CTNNBL1: variants seen among roughly 807,000 people sequenced by gnomAD.
The protein encoded by CTNNBL1 is beta-catenin-like protein 1.
CTNNBL1 carries 31 observed loss-of-function variants against 72.7 expected under a neutral mutation model. The ratio of observed to expected loss-of-function variants is 0.43; its 90% CI spans 0.32 to 0.58. The LOEUF (loss-of-function observed/expected upper bound fraction) is 0.58, where lower values mean the gene tolerates loss of function less well. Ranked by LOEUF, CTNNBL1 falls within the 20% of genes least tolerant of loss-of-function variation. The pLI is 0.08. For missense variants in CTNNBL1, 534 were observed against 725.1 expected, an observed-to-expected ratio of 0.74 and a Z score of 3.03; for synonymous variants, 240 against 267.3, an observed-to-expected ratio of 0.90 and a Z score of 1.00.
chr20:37,721,722 T>C (rs922333799), intron 1 of CTNNBL1, among the ~76,000 whole-genome samples: 4 of 152,246 alleles, frequency 2.6e-5, no homozygotes, highest in African/African-American at 4.8e-5. Flanking sequence ...TTGGTGATTA[T>C]TATTCTCATG....
chr20:37,808,614 A>T (rs777843225), intron 11 of CTNNBL1, among the ~76,000 whole-genome samples: 4 of 152,130 alleles, frequency 2.6e-5, no homozygotes, highest in Non-Finnish European at 4.4e-5. Context: ...CCTGGCCCTC[A>T]GGCATTCGTT....
intron 5 of CTNNBL1, among the ~76,000 whole-genome samples, chr20:37,764,567 T>C (rs2073447846): frequency 6.6e-6 from 1 of 152,242 alleles, no homozygotes; most frequent in African/African-American, 2.4e-5. Flanking sequence ...TTTCAACATG[T>C]GTGACTCCAT....
intron 15 of CTNNBL1, among the ~76,000 whole-genome samples, chr20:37,868,512 C>T (rs954746537): frequency 1.9e-4 from 29 of 152,300 alleles, no homozygotes; most frequent in African/African-American, 5.5e-4. Flanking sequence ...AGTTCCACTC[C>T]GCTCTGTATG....
chr20:37,779,090 A>C, intron 9 of CTNNBL1, 97 bp from the exon 10 acceptor site: 5 of 1,209,024 alleles, frequency 4.1e-6, no homozygotes, highest in Non-Finnish European at 6.0e-6. Context: ...CCTCAGTCGT[A>C]GAGTTATGAC....
intron 10 of CTNNBL1, among the ~76,000 whole-genome samples, chr20:37,789,124 A>G (rs1410015254): frequency 1.3e-5 from 2 of 152,186 alleles, no homozygotes; most frequent in African/African-American, 4.8e-5. Context: ...AAGAAAAGGA[A>G]TTTCTCATTT....
rs113418386 is a variant in CTNNBL1 at position 37,827,858 on chromosome 20, A to G, written c.1214-12244A>G. 5.8e-3 allele frequency among the ~76,000 whole-genome samples: 885 copies of G among 152,206 alleles called. 9 individuals are homozygous for G. The highest frequency in any genetic ancestry group is 0.02 in the African/African-American group (849 of 41,518). ...GGAGAAAGTCCAGACTCTGTAGTTG[A>G]GTGTGCAGGCCTCTTGCTTCTCTTG... On this transcript the variant is annotated intron_variant, in intron 11 of 15. Coordinates refer to ENST00000361383, the MANE Select transcript of CTNNBL1 (RefSeq NM_030877.5).
At chr20:37,871,892 G>C (rs180814933) in intron 15 of CTNNBL1, 33 bp from the exon 16 acceptor site, 1 of 1,559,944 alleles carries the variant, frequency 6.4e-7, no homozygotes, top group Non-Finnish European at 8.8e-7. Context: ...CCATGCCTGG[G>C]ATCCACTCCT....
At chr20:37,834,107 G>A (rs1166769479) in intron 11 of CTNNBL1, among the ~76,000 whole-genome samples, 3 of 152,114 alleles carry the variant, frequency 2.0e-5, no homozygotes, top group Non-Finnish European at 4.4e-5. Flanking sequence ...CCAGACTGTG[G>A]TGAGCCGTGG....
intron 13 of CTNNBL1, among the ~76,000 whole-genome samples, chr20:37,858,586 C>T (rs1317667226): frequency 1.7e-5 from 2 of 117,524 alleles, no homozygotes; most frequent in East Asian, 2.9e-4. Context: ...GGATGAGGGG[C>T]GAGAGGATTG....
chr20:37,835,121 G>A (rs2072242626), intron 11 of CTNNBL1, among the ~76,000 whole-genome samples: 1 of 152,226 alleles, frequency 6.6e-6, no homozygotes, highest in African/African-American at 2.4e-5. Flanking sequence ...AGCAGTACAA[G>A]TGGCCAGTAA....
chr20:37,733,018 A>C lies in CTNNBL1; in HGVS notation c.170A>C (p.Lys57Thr). The change falls in exon 2 of 16, where the codon AAA becomes ACA. Residue 57 changes from lysine (K) to threonine (T), a missense_variant. Lys to Thr is a moderately conservative substitution (Grantham distance 78, BLOSUM62 -1). Transcript: ENST00000361383. The part of the protein sequence containing the change: ...TVVEEADDDK[K>T]RLLQIIDRDG... ...GTGGAGGAAGCGGATGATGACAAAA[A>C]AAGGCTGCTGCAGATTATTGACAGA... is the stretch of plus-strand genomic sequence containing the variant. 1 of 1,613,954 alleles carries C rather than the reference A, an allele frequency of 6.2e-7. No individual in the cohort carries two copies. The highest frequency in any genetic ancestry group is 8.5e-7 in the Non-Finnish European group (1 of 1,179,998).
In CTNNBL1 at chr20:37,779,333, C is replaced by T. The variant is rs1159942802; in HGVS notation, c.1029C>T (p.Leu343=). 2 of 1,613,240 alleles carry T rather than the reference C, an allele frequency of 1.2e-6. No individual in the cohort carries two copies. Among genetic ancestry groups the T allele is most frequent in the African/African-American group, 1.3e-5 (1 of 74,874 alleles). ...GTCTTCAGCTGATGAATCTCATGCT[C>T]AGGTATGTTTCGAATGCCCTAGTTC... ...GEGLQLMNLM[L]REKKISRSSA... is the part of the protein sequence containing the mutation. Residue 343 remains leucine, a splice_region_variant and synonymous_variant, in exon 10 of 16, where the codon CTC becomes CTT. Transcript: ENST00000361383.
At chr20:37,853,557 G>A (rs1328688915) in intron 13 of CTNNBL1, among the ~76,000 whole-genome samples, 2 of 152,162 alleles carry the variant, frequency 1.3e-5, no homozygotes, top group South Asian at 2.1e-4. Flanking sequence ...GAATCATCTC[G>A]AGTCCTTATC....
chr20:37,694,577 C>A (rs367902327), intron 1 of CTNNBL1, among the ~76,000 whole-genome samples: 3 of 152,268 alleles, frequency 2.0e-5, no homozygotes, highest in African/African-American at 4.8e-5. Flanking sequence ...TCATTCCCCC[C>A]CTCTTTGAAC....
Position 37,842,036 on chromosome 20 carries a change from A to G in CTNNBL1, c.1312-303A>G, listed in dbSNP as rs569226209. 3.3e-5 allele frequency among the ~76,000 whole-genome samples: 5 copies of G among 152,270 alleles called. No individual in the cohort carries two copies. The South Asian group carries it at 1.0e-3, about 32-fold the overall frequency. ...CAAGAAGGGACTTGAATTTTTATCTATTTATTTGTTTTTAACAACGTGCAT... is the reference window on the plus strand; with the variant it reads ...CAAGAAGGGACTTGAATTTTTATCTGTTTATTTGTTTTTAACAACGTGCAT... On this transcript the variant is annotated intron_variant, in intron 12 of 15. Coordinates refer to ENST00000361383, the MANE Select transcript of CTNNBL1 (RefSeq NM_030877.5).
chr20:37,695,641 A>G (rs1206614861), intron 1 of CTNNBL1, among the ~76,000 whole-genome samples: 1 of 152,252 alleles, frequency 6.6e-6, no homozygotes, highest in African/African-American at 2.4e-5. Context: ...ATTAAGAGCC[A>G]TGAGTCTGGA....
At chr20:37,818,825 G>A (rs901745607) in intron 11 of CTNNBL1, among the ~76,000 whole-genome samples, 25 of 152,138 alleles carry the variant, frequency 1.6e-4, no homozygotes, top group Non-Finnish European at 3.5e-4. Flanking sequence ...TGTGACACAA[G>A]ACTTGAAAAT....
intron 10 of CTNNBL1, among the ~76,000 whole-genome samples, chr20:37,795,072 C>T (rs543552199): frequency 1.3e-5 from 2 of 149,826 alleles, no homozygotes; most frequent in African/African-American, 4.9e-5. Context: ...GTTTGAGGTT[C>T]GTTGAGCTAC....
intron 12 of CTNNBL1, 81 bp downstream of exon 12, chr20:37,840,280 G>A: frequency 9.5e-7 from 1 of 1,057,430 alleles, no homozygotes; most frequent in South Asian, 1.3e-5. Flanking sequence ...GGGATACTGG[G>A]TTGAGTGGTC....
Sources: allele counts gnomAD v4.1 joint callset (sites outside exome capture counted in the v4.1 genomes callset), GRCh38; gene constraint gnomAD v4.1.1; transcripts MANE v1.5; gene names NCBI Gene and HGNC (gene_info 2026-07-23, HGNC 2026-07-21).